The following NRXN3 variants were observed in gnomAD, a reference collection of about 807,000 sequenced individuals.
The protein encoded by NRXN3 is neurexin III.
NRXN3 carries 32 observed loss-of-function variants against 137.6 expected under a neutral mutation model. The ratio of observed to expected loss-of-function variants is 0.23; its 90% CI spans 0.18 to 0.31. The LOEUF is 0.31. NRXN3 is among the 10% of genes least tolerant of loss of function. The probability of loss-of-function intolerance (pLI) is 1.00; values close to 1 mark genes in which losing one functional copy is unlikely to be tolerated. For missense variants in NRXN3, 1,574 were observed against 2,062.5 expected (o/e 0.76, Z 4.59); for synonymous variants, 798 against 784.5 (o/e 1.02, Z -0.29).
intron 16 of NRXN3, among the ~76,000 whole-genome samples, chr14:79,545,835 C>T (rs73326024): frequency 0.14 from 21,571 of 151,980 alleles, 2,768 homozygotes; most frequent in African/African-American, 0.34. Context: ...CCTGAGTTGA[C>T]GTTCCTACTC....
At chr14:78,842,714 AAGAC>A (rs2099015977) in intron 10 of NRXN3, among the ~76,000 whole-genome samples, 1 of 152,024 alleles carries the variant, frequency 6.6e-6, no homozygotes, top group South Asian at 2.1e-4. Context: ...GTGACCATAA[AAGAC>A]AGCCGCCCCC....
intron 15 of NRXN3, among the ~76,000 whole-genome samples, chr14:79,264,586 C>T (rs148448027): frequency 3.9e-4 from 58 of 150,042 alleles, no homozygotes; most frequent in African/African-American, 1.2e-3. Context: ...CCCCAAACTC[C>T]GAGTGTTTCT....
At chr14:79,203,342 A>G (rs2153220347) in intron 15 of NRXN3, among the ~76,000 whole-genome samples, 1 of 152,354 alleles carries the variant, frequency 6.6e-6, no homozygotes, top group East Asian at 1.9e-4. Flanking sequence ...TATACACAAC[A>G]GACAAGCAAG....
intron 15 of NRXN3, among the ~76,000 whole-genome samples, chr14:79,288,897 CT>C (rs1013328175): frequency 2.6e-5 from 4 of 151,484 alleles, no homozygotes; most frequent in South Asian, 2.1e-4. Flanking sequence ...CTTGATATGT[CT>C]TTTTTTTTGA....
intron 15 of NRXN3, among the ~76,000 whole-genome samples, chr14:79,320,609 T>C (rs531908908): frequency 6.6e-6 from 1 of 152,294 alleles, no homozygotes; most frequent in Admixed American, 6.5e-5. Context: ...GCATTTAAAG[T>C]GCACTGTATA....
chr14:78,989,274 G>C (rs1171202812), intron 15 of NRXN3, among the ~76,000 whole-genome samples: 1 of 152,092 alleles, frequency 6.6e-6, no homozygotes, highest in African/African-American at 2.4e-5. Flanking sequence ...ACAATGCTAT[G>C]CCCCCCAGAT....
intron 15 of NRXN3, among the ~76,000 whole-genome samples, chr14:79,218,322 A>G (rs1378895428): frequency 6.6e-6 from 1 of 152,214 alleles, no homozygotes; most frequent in African/African-American, 2.4e-5. Context: ...GACTTTAACA[A>G]TCTTATTTCA....
chr14:78,433,654 C>A (rs544159508), intron 4 of NRXN3, among the ~76,000 whole-genome samples: 1 of 152,208 alleles, frequency 6.6e-6, no homozygotes. Flanking sequence ...CCTTTTCTTG[C>A]GTGCATGCTC....
At chr14:79,318,060 A>C (rs1216418892) in intron 15 of NRXN3, among the ~76,000 whole-genome samples, 1 of 152,222 alleles carries the variant, frequency 6.6e-6, no homozygotes, top group Non-Finnish European at 1.5e-5. Context: ...TAGGCAAAAA[A>C]AGGGAGGAGC....
chr14:78,231,539 G>A (rs2065395362), intron 1 of NRXN3: 1 of 152,130 alleles, frequency 6.6e-6, no homozygotes, highest in South Asian at 2.1e-4. Flanking sequence ...CTACACATAG[G>A]GCCAAATTCA....
intron 8 of NRXN3, among the ~76,000 whole-genome samples, chr14:78,794,429 C>A (rs558791881): frequency 1.3e-5 from 2 of 152,232 alleles, no homozygotes; most frequent in South Asian, 4.2e-4. Context: ...CACCAGTTGT[C>A]TTATGTGTTT....
intron 4 of NRXN3, among the ~76,000 whole-genome samples, chr14:78,636,385 G>A (rs111371019): frequency 6.6e-6 from 1 of 152,116 alleles, no homozygotes; most frequent in Non-Finnish European, 1.5e-5. Context: ...AAGCCTTGTA[G>A]AAAGAAATAG....
intron 15 of NRXN3, among the ~76,000 whole-genome samples, chr14:79,325,683 T>G (rs188218845): frequency 6.6e-6 from 1 of 152,284 alleles, no homozygotes; most frequent in Non-Finnish European, 1.5e-5. Context: ...CAAGAAGGTC[T>G]TCTTCTTTTC....
In NRXN3 at chr14:79,402,244, T is replaced by A. The variant is rs532877679; in HGVS notation, c.3263-64977T>A. ...AGCCACTTCACCCAGCCTTTTTTTC[T>A]GTGTCTAAAATTCAGTTACTCTCTC... On this transcript the variant is annotated intron_variant, in intron 15 of 20. Transcript: ENST00000335750. Among the ~76,000 whole-genome samples, 3 of 152,302 alleles carry A rather than the reference T, an allele frequency of 2.0e-5. No individual in the cohort carries two copies. In the South Asian group the frequency reaches 6.2e-4, roughly 32 times the overall value.
intron 15 of NRXN3, among the ~76,000 whole-genome samples, chr14:79,278,909 G>A (rs1351879800): frequency 6.6e-6 from 1 of 152,220 alleles, no homozygotes; most frequent in Non-Finnish European, 1.5e-5. Flanking sequence ...GAGCGCGCGT[G>A]CGGCACCACC....
At chr14:79,079,133 T>C (rs1356985180) in intron 15 of NRXN3, among the ~76,000 whole-genome samples, 1 of 152,204 alleles carries the variant, frequency 6.6e-6, no homozygotes, top group African/African-American at 2.4e-5. Context: ...CTGGTACCTG[T>C]ATTCAGTTTC....
At chr14:79,656,379 C>T (rs537017624) in intron 16 of NRXN3, among the ~76,000 whole-genome samples, 2 of 152,262 alleles carry the variant, frequency 1.3e-5, no homozygotes, top group East Asian at 3.9e-4. Flanking sequence ...TGCAGTCAAA[C>T]TTAACTACCA....
intron 10 of NRXN3, among the ~76,000 whole-genome samples, chr14:78,818,900 C>G (rs941547746): frequency 3.9e-5 from 6 of 152,128 alleles, no homozygotes; most frequent in African/African-American, 1.4e-4. Context: ...ATGTATGTAT[C>G]TCTAAAATCC....
chr14:79,139,909 A>G (rs1401801075), intron 15 of NRXN3, among the ~76,000 whole-genome samples: 2 of 106,818 alleles, frequency 1.9e-5, no homozygotes, highest in Non-Finnish European at 3.8e-5. Context: ...TGGCATATGC[A>G]TATATATATA....
Sources: gnomAD v4.1 joint callset for allele counts (sites outside exome capture counted in the v4.1 genomes callset) on GRCh38, gnomAD v4.1.1 for gene constraint, MANE v1.5 for transcripts, NCBI Gene and HGNC (gene_info 2026-07-23, HGNC 2026-07-21) for gene names.